The following SMAD3 variants were observed in gnomAD, a reference collection of about 807,000 sequenced individuals.
SMAD3 encodes MAD homolog 3.
SMAD3 carries 12 observed loss-of-function variants against 51.8 expected under a neutral mutation model. That is an observed-to-expected ratio of 0.23 (90% CI 0.15 to 0.38). The LOEUF is 0.38. Ranked by LOEUF, SMAD3 falls within the 10% of genes least tolerant of loss-of-function variation. The pLI is 1.00. For synonymous variants in SMAD3, 238 were observed against 227.7 expected (o/e 1.05, Z -0.41); for missense variants, 294 against 565.6 (o/e 0.52, Z 4.87).
intron 5 of SMAD3, among the ~76,000 whole-genome samples, chr15:67,176,526 T>TC (rs1452471780): frequency 1.3e-5 from 2 of 152,332 alleles, no homozygotes; most frequent in South Asian, 2.1e-4. Flanking sequence ...AAAGTTAATT[T>TC]CCCCCCTTGC....
intron 1 of SMAD3, among the ~76,000 whole-genome samples, chr15:67,081,614 C>A (rs907619204): frequency 4.6e-5 from 7 of 152,156 alleles, no homozygotes; most frequent in African/African-American, 1.7e-4. Context: ...TCTCAGGAGC[C>A]TTACATCTTT....
intron 1 of SMAD3, among the ~76,000 whole-genome samples, chr15:67,103,004 A>G (rs776832379): frequency 7.9e-5 from 12 of 152,160 alleles, no homozygotes; most frequent in South Asian, 2.1e-4. Context: ...TTAACTGTCT[A>G]TGAATGGTCT....
intron 5 of SMAD3, among the ~76,000 whole-genome samples, chr15:67,175,426 C>G (rs762120678): frequency 6.6e-6 from 1 of 152,146 alleles, no homozygotes; most frequent in Non-Finnish European, 1.5e-5. Context: ...GTGAATTGCC[C>G]TCTAGATTGT....
At chr15:67,136,840 C>T (rs1355701559) in intron 1 of SMAD3, among the ~76,000 whole-genome samples, 1 of 152,226 alleles carries the variant, frequency 6.6e-6, no homozygotes, top group African/African-American at 2.4e-5. Context: ...GATGGAGATC[C>T]CTGGGCTTCT....
intron 5 of SMAD3, among the ~76,000 whole-genome samples, chr15:67,178,775 G>A (rs1201506265): frequency 2.0e-5 from 3 of 152,052 alleles, no homozygotes; most frequent in Non-Finnish European, 4.4e-5. Context: ...ATCAAGCAAA[G>A]CCAGAGCCAG....
intron 1 of SMAD3, among the ~76,000 whole-genome samples, chr15:67,143,687 ACCTC>A (rs1311415459): frequency 6.6e-6 from 1 of 151,934 alleles, no homozygotes; most frequent in Non-Finnish European, 1.5e-5. Context: ...ACCCACCTCG[ACCTC>A]CCAAAGTGGT....
intron 1 of SMAD3, among the ~76,000 whole-genome samples, chr15:67,163,739 C>A (rs1174950937): frequency 6.6e-6 from 1 of 152,102 alleles, no homozygotes; most frequent in African/African-American, 2.4e-5. Context: ...GCTGCTTGGC[C>A]AAATCACCAT....
At chr15:67,070,901 A>C (rs1960038836) in intron 1 of SMAD3, among the ~76,000 whole-genome samples, 1 of 152,092 alleles carries the variant, frequency 6.6e-6, no homozygotes, top group Non-Finnish European at 1.5e-5. Context: ...AGTTCTGTGG[A>C]AGTGTTTTGT....
chr15:67,098,722 T>C (rs1292359748), intron 1 of SMAD3: 6 of 609,610 alleles, frequency 9.8e-6, no homozygotes, highest in East Asian at 5.5e-5. Context: ...CACAGGACAC[T>C]TGGGGAGGCT....
chr15:67,178,172 G>A (rs1009224971), intron 5 of SMAD3, among the ~76,000 whole-genome samples: 4 of 152,186 alleles, frequency 2.6e-5, no homozygotes, highest in Admixed American at 6.5e-5. Flanking sequence ...AGGGCCTCTC[G>A]GCCTATGACC....
At chr15:67,106,805 C>T (rs1317587258) in intron 1 of SMAD3, among the ~76,000 whole-genome samples, 1 of 152,200 alleles carries the variant, frequency 6.6e-6, no homozygotes, top group African/African-American at 2.4e-5. Flanking sequence ...CAAAACTTAT[C>T]AGTCCTACAT....
At chr15:67,127,937 A>C (rs1311936923) in intron 1 of SMAD3, among the ~76,000 whole-genome samples, 1 of 152,194 alleles carries the variant, frequency 6.6e-6, no homozygotes, top group Non-Finnish European at 1.5e-5. Flanking sequence ...CAGCCTTGCT[A>C]ATGTGTTCCT....
chr15:67,159,740 G>A (rs1566989524), intron 1 of SMAD3, among the ~76,000 whole-genome samples: 1 of 152,146 alleles, frequency 6.6e-6, no homozygotes, highest in Non-Finnish European at 1.5e-5. Flanking sequence ...TAAGATTAGT[G>A]TGCCTTTTAC....
At chr15:67,159,081 T>C (rs1198845735) in intron 1 of SMAD3, among the ~76,000 whole-genome samples, 1 of 152,164 alleles carries the variant, frequency 6.6e-6, no homozygotes, top group Non-Finnish European at 1.5e-5. Context: ...AAGAATTTTT[T>C]TTTTTTTGAG....
intron 1 of SMAD3, chr15:67,126,058 C>A: frequency 1.4e-6 from 1 of 691,676 alleles, no homozygotes; most frequent in South Asian, 6.5e-5. Context: ...ACTGTATGCT[C>A]GACACACACT....
At position 67,118,506 on chromosome 15, in the gene SMAD3, A is replaced by G. The variant is rs543763898; in HGVS notation, c.207-46389A>G. 8.5e-4 allele frequency among the ~76,000 whole-genome samples: 129 copies of G among 152,324 alleles called. 1 individual carries two copies. The highest frequency in any genetic ancestry group is 3.0e-3 in the African/African-American group (124 of 41,566). On this transcript the variant is annotated intron_variant, in intron 1 of 8. Transcript: ENST00000327367. ...GCAGACTTGGGTCCAAAGGTGTGTC[A>G]TTTTTATACCAGACTAGAATCGGGT... is the stretch of plus-strand genomic sequence containing the variant.
chr15:67,140,641 G>T (rs1257642512), intron 1 of SMAD3, among the ~76,000 whole-genome samples: 1 of 152,198 alleles, frequency 6.6e-6, no homozygotes, highest in African/African-American at 2.4e-5. Context: ...TATTAATAAT[G>T]ACACCAGGTC....
At chr15:67,107,217 T>C (rs1049571589) in intron 1 of SMAD3, among the ~76,000 whole-genome samples, 4 of 152,040 alleles carry the variant, frequency 2.6e-5, no homozygotes, top group African/African-American at 7.2e-5. Context: ...AGTCAGTCAT[T>C]GGGCCTTGGA....
chr15:67,102,267 T>TGTGTGTGTGTGTGTGC (rs781214785), intron 1 of SMAD3, among the ~76,000 whole-genome samples: 8 of 131,962 alleles, frequency 6.1e-5, no homozygotes, highest in African/African-American at 2.2e-4. Context: ...TGTGTGTGTG[T>TGTGTGTGTGTGTGTGC]GCGGTGTGTG....
Sources: gnomAD v4.1 joint callset for allele counts (sites outside exome capture counted in the v4.1 genomes callset) on GRCh38, gnomAD v4.1.1 for gene constraint, MANE v1.5 for transcripts, NCBI Gene and HGNC (gene_info 2026-07-23, HGNC 2026-07-21) for gene names.